The following GPR19 variants were observed in gnomAD, a reference collection of about 807,000 sequenced individuals.
The protein encoded by GPR19 is probable G protein-coupled receptor 19.
A neutral mutation model predicts 28.5 loss-of-function variants in GPR19; 14 were observed. The observed-to-expected ratio is 0.49, with a 90% confidence interval of 0.32 to 0.77. The LOEUF (loss-of-function observed/expected upper bound fraction) is 0.77. GPR19 is among the 30% of genes least tolerant of loss of function. The pLI is 0.03. For missense variants in GPR19, 409 were observed against 504.1 expected, an observed-to-expected ratio of 0.81 and a Z score of 1.81; for synonymous variants, 173 against 184.1, an observed-to-expected ratio of 0.94 and a Z score of 0.49.
At chr12:12,690,860 A>G (rs1946170292) in intron 2 of GPR19, among the ~76,000 whole-genome samples, 1 of 152,202 alleles carries the variant, frequency 6.6e-6, no homozygotes, top group Non-Finnish European at 1.5e-5. Context: ...GCACTCTCTA[A>G]AAAGGGCTGT....
intron 3 of GPR19, among the ~76,000 whole-genome samples, chr12:12,671,959 A>C (rs1345306047): frequency 6.6e-6 from 1 of 152,204 alleles, no homozygotes; most frequent in Non-Finnish European, 1.5e-5. Flanking sequence ...AACAGAAGAG[A>C]TGCCAAAAGC....
intron 2 of GPR19, among the ~76,000 whole-genome samples, chr12:12,687,402 G>A (rs996267675): frequency 5.3e-5 from 8 of 152,108 alleles, no homozygotes; most frequent in African/African-American, 1.9e-4. Context: ...AACTTTCCAA[G>A]GGGTCCCAAA....
Position 12,661,843 on chromosome 12 carries a change from A to G in GPR19, c.606T>C (p.Tyr202=), listed in dbSNP as rs768063803. The G allele has an allele frequency of 1.5e-5, 24 of 1,614,218 alleles. No individual in the cohort carries two copies. In the South Asian group the frequency reaches 2.6e-4, roughly 18 times the overall value. The change falls in exon 4 of 4, where the codon TAT becomes TAC. Residue 202 remains tyrosine, a synonymous_variant. Coordinates refer to ENST00000651487, the MANE Select transcript of GPR19 (RefSeq NM_006143.3). The surrounding 1 kb of genome is among the most constrained non-coding windows in gnomAD (Gnocchi z 4.2). ...AGFVTPVLFF[Y]GSNWDSHCNY... ...TACAATGACTGTCCCAGTTGGAGCCATAGAAAAAGAGCACAGGGGTCACAA... is the reference window on the plus strand; with the variant it reads ...TACAATGACTGTCCCAGTTGGAGCCGTAGAAAAAGAGCACAGGGGTCACAA...
At chr12:12,704,093 T>C in the GPR19 span, among the ~76,000 whole-genome samples, 1 of 152,230 alleles carries the variant, frequency 6.6e-6, no homozygotes, top group African/African-American at 2.4e-5. Context: ...TAGGTTGTTA[T>C]CTTGACTTTG....
chr12:12,679,488 C>T (rs1945986721), intron 3 of GPR19, among the ~76,000 whole-genome samples: 1 of 150,848 alleles, frequency 6.6e-6, no homozygotes. Flanking sequence ...GTCCCAGCTC[C>T]TTGGAAGGTT....
upstream of GPR19, among the ~76,000 whole-genome samples, chr12:12,699,471 A>G (rs1391977981): frequency 6.6e-6 from 1 of 152,178 alleles, no homozygotes; most frequent in African/African-American, 2.4e-5. Context: ...GGGGTAATTC[A>G]GTACTCTTGT....
upstream of GPR19, among the ~76,000 whole-genome samples, chr12:12,700,516 ATGTTTTTT>A (rs1373325669): frequency 6.6e-6 from 1 of 152,224 alleles, no homozygotes; most frequent in African/African-American, 2.4e-5. Flanking sequence ...GAAAACAAGC[ATGTTTTTT>A]TAATGGTGCA....
chr12:12,688,648 G>A (rs1946129306), intron 2 of GPR19: 1 of 152,214 alleles, frequency 6.6e-6, no homozygotes, highest in Admixed American at 6.5e-5. Context: ...AGCATGGTCA[G>A]ACACAGATAT....
intron 2 of GPR19, among the ~76,000 whole-genome samples, chr12:12,693,035 T>C (rs1946209265): frequency 6.6e-6 from 1 of 152,230 alleles, no homozygotes; most frequent in South Asian, 2.1e-4. Context: ...ATAACTAAAG[T>C]AGTATGGTGA....
At chr12:12,665,666 G>A (rs1256335313) in intron 3 of GPR19, among the ~76,000 whole-genome samples, 5 of 151,604 alleles carry the variant, frequency 3.3e-5, no homozygotes, top group Admixed American at 3.3e-4. Flanking sequence ...GTGAAACTCC[G>A]TCCAACTAAA....
chr12:12,700,580 C>T (rs574804225), upstream of GPR19, among the ~76,000 whole-genome samples: 223 of 152,208 alleles, frequency 1.5e-3, no homozygotes, highest in Non-Finnish European at 2.3e-3. Flanking sequence ...AGAAGCAGGT[C>T]ACTCAAAACC....
intron 2 of GPR19, among the ~76,000 whole-genome samples, chr12:12,686,308 TAGG>T (rs1946097507): frequency 3.3e-5 from 5 of 152,232 alleles, no homozygotes; most frequent in Admixed American, 3.3e-4. Flanking sequence ...ACTTTTATTT[TAGG>T]AGGAGTGAGG....
chr12:12,676,554 G>T (rs1269039438), intron 3 of GPR19, among the ~76,000 whole-genome samples: 1 of 152,126 alleles, frequency 6.6e-6, no homozygotes, highest in Non-Finnish European at 1.5e-5. Flanking sequence ...ATTTTACCTA[G>T]GGTCCAGCCC....
chr12:12,667,947 A>T (rs905898765), intron 3 of GPR19, among the ~76,000 whole-genome samples: 4 of 152,206 alleles, frequency 2.6e-5, no homozygotes, highest in African/African-American at 9.7e-5. Flanking sequence ...AAATTATCCA[A>T]TACTTGAAAA....
intron 3 of GPR19, among the ~76,000 whole-genome samples, chr12:12,680,340 G>A (rs1355676357): frequency 2.0e-5 from 3 of 152,282 alleles, no homozygotes; most frequent in Admixed American, 2.0e-4. Context: ...GGCTAATAAT[G>A]CATATCATAG....
At chr12:12,702,874 G>A in the GPR19 span, among the ~76,000 whole-genome samples, 5 of 152,138 alleles carry the variant, frequency 3.3e-5, no homozygotes, top group Non-Finnish European at 5.9e-5. Flanking sequence ...TGGATGTACC[G>A]TATACTGACA....
chr12:12,670,095 A>G (rs1248903421), intron 3 of GPR19, among the ~76,000 whole-genome samples: 1 of 152,244 alleles, frequency 6.6e-6, no homozygotes, highest in Non-Finnish European at 1.5e-5. Flanking sequence ...AGCCACCAGC[A>G]TGACTGTGTG....
At chr12:12,662,739 C>T (rs551931801) in intron 3 of GPR19, among the ~76,000 whole-genome samples, 1 of 152,336 alleles carries the variant, frequency 6.6e-6, no homozygotes, top group East Asian at 1.9e-4. Context: ...TACCGAGCTC[C>T]CCTCCTACAC....
chr12:12,671,382 T>C (rs1945853833), intron 3 of GPR19, among the ~76,000 whole-genome samples: 1 of 152,138 alleles, frequency 6.6e-6, no homozygotes, highest in Non-Finnish European at 1.5e-5. Flanking sequence ...ACAGAGCTTC[T>C]TTCCACCACC....
Sources: gnomAD v4.1 joint callset for allele counts (sites outside exome capture counted in the v4.1 genomes callset) on GRCh38, gnomAD v4.1.1 for gene constraint, Gnocchi (gnomAD v3.1) non-coding constraint, MANE v1.5 for transcripts, NCBI Gene and HGNC (gene_info 2026-07-23, HGNC 2026-07-21) for gene names.